The following CNRIP1 variants were observed in gnomAD, a reference collection of about 807,000 sequenced individuals.
CNRIP1 encodes the protein CB1 cannabinoid receptor-interacting protein 1.
In CNRIP1, 10 loss-of-function variants were observed where a neutral mutation model predicts 15.2. The ratio of observed to expected loss-of-function variants is 0.66; its 90% CI spans 0.41 to 1.12. The LOEUF is 1.12. Among genes scored for constraint, CNRIP1 ranks in the 50% most tolerant of loss-of-function variants. The probability of loss-of-function intolerance (pLI) is 0.00; values close to 1 mark genes in which losing one functional copy is unlikely to be tolerated. For synonymous variants in CNRIP1, 91 were observed against 83.2 expected, an observed-to-expected ratio of 1.09 and a Z score of -0.51; for missense variants, 211 against 214.7, an observed-to-expected ratio of 0.98 and a Z score of 0.11.
intron 2 of CNRIP1, among the ~76,000 whole-genome samples, chr2:68,298,386 A>C (rs1291063267): frequency 1.3e-5 from 2 of 152,198 alleles, no homozygotes; most frequent in Non-Finnish European, 2.9e-5. Context: ...AAGCAGCTTA[A>C]AATCATGCTA....
chr2:68,284,956 A>G (rs1572999046), intron 2 of CNRIP1, among the ~76,000 whole-genome samples: 1 of 152,220 alleles, frequency 6.6e-6, no homozygotes, highest in Admixed American at 6.5e-5. Context: ...TTTTGTTAAA[A>G]TAGCCACTAT....
downstream of CNRIP1, among the ~76,000 whole-genome samples, chr2:68,292,773 G>C (rs1671209674): frequency 6.6e-6 from 1 of 152,196 alleles, no homozygotes; most frequent in African/African-American, 2.4e-5. Context: ...AATGGAGCGA[G>C]ATAGGTACAA....
At position 68,293,933 on chromosome 2, in the gene CNRIP1, C is replaced by CAG. The variant is rs1671251842; in HGVS notation, c.422_423dup (p.Val142LeufsTer15). 1 of 1,614,124 alleles carries CAG rather than the reference C, an allele frequency of 6.2e-7. No homozygotes were observed. On this transcript the variant is annotated frameshift_variant, in exon 3 of 3. Transcript: ENST00000263655. LOFTEE classifies it high-confidence loss of function. ...TTGGGCTTGCATTCATACTCAATGA[C>CAG]AGAGAAGGGGCTTCCCCACTGGCAG...
intron 2 of CNRIP1, among the ~76,000 whole-genome samples, chr2:68,311,097 G>A (rs1341025248): frequency 6.6e-6 from 1 of 152,020 alleles, no homozygotes. Flanking sequence ...ACAAAGAAAG[G>A]AGAGAATGAA....
intron 2 of CNRIP1, among the ~76,000 whole-genome samples, chr2:68,315,319 C>G (rs1053110065): frequency 2.0e-5 from 3 of 152,010 alleles, no homozygotes; most frequent in Non-Finnish European, 4.4e-5. Flanking sequence ...ACATGACAAA[C>G]TATACCTAGT....
chr2:68,319,158 G>A (rs1672393630), intron 1 of CNRIP1, 64 bp downstream of exon 1: 2 of 1,446,038 alleles, frequency 1.4e-6, no homozygotes, highest in South Asian at 2.8e-5. Flanking sequence ...GCTGTCCTGG[G>A]GGCCTCAGTC....
At chr2:68,291,751 C>T (rs954405039), downstream of CNRIP1, among the ~76,000 whole-genome samples, 3 of 151,888 alleles carry the variant, frequency 2.0e-5, no homozygotes, top group Admixed American at 6.6e-5. Context: ...TGGTAGCACA[C>T]GCCCGTAATC....
In CNRIP1 at chr2:68,310,862, A is replaced by G. The variant is rs186985065; in HGVS notation, c.330+6295T>C. 5.3e-5 allele frequency among the ~76,000 whole-genome samples: 8 copies of G among 152,320 alleles called. No individual in the cohort carries two copies. The East Asian group carries it at 1.5e-3, about 29-fold the overall frequency. The stretch of plus-strand genomic sequence containing the variant: ...TAGCCAACATAAGGAATCTTGAGAA[A>G]CTGAAACTATAAAAAAGACAAATGA... On this transcript the variant is annotated intron_variant, in intron 2 of 2. Transcript: ENST00000263655.
chr2:68,318,788 T>C (rs1174072531), intron 1 of CNRIP1, among the ~76,000 whole-genome samples: 2 of 152,124 alleles, frequency 1.3e-5, no homozygotes, highest in Non-Finnish European at 2.9e-5. Context: ...TCTCCCTCCT[T>C]CAGCCTTGCG....
chr2:68,303,142 G>A (rs1419245252), intron 2 of CNRIP1, among the ~76,000 whole-genome samples: 2 of 152,110 alleles, frequency 1.3e-5, no homozygotes, highest in Admixed American at 6.5e-5. Flanking sequence ...CACCGCGCCC[G>A]GCCGAAAAAC....
downstream of CNRIP1, among the ~76,000 whole-genome samples, chr2:68,288,806 C>G (rs1671093934): frequency 6.6e-6 from 1 of 152,112 alleles, no homozygotes; most frequent in Non-Finnish European, 1.5e-5. Context: ...GTTATAAAAA[C>G]AAACACTGCA....
At chr2:68,316,769 A>G in intron 2 of CNRIP1, 1 of 401,692 alleles carries the variant, frequency 2.5e-6, no homozygotes, top group Admixed American at 4.3e-5. Context: ...ATTTAGCTTT[A>G]AGTAGCAAAG....
At chr2:68,305,244 CAAAAAAAA>C (rs60243249) in intron 2 of CNRIP1, among the ~76,000 whole-genome samples, 2,236 of 91,606 alleles carry the variant, frequency 0.024, 47 homozygotes, top group Non-Finnish European at 0.035. Context: ...AACTCCGTCT[CAAAAAAAA>C]AAAAAAAATA....
chr2:68,317,204 T>G lies in CNRIP1; in HGVS notation c.283A>C (p.Thr95Pro), dbSNP rs1307208869. 1.2e-6 allele frequency: 2 copies of G among 1,614,096 alleles called. No homozygotes were observed. Among genetic ancestry groups the G allele is most frequent in the Non-Finnish European group, 1.7e-6 (2 of 1,180,042 alleles). Residue 95 changes from threonine (T) to proline (P), a missense_variant, in exon 2 of 3, where the codon ACC becomes CCC. Transcript: ENST00000263655. ...TGCCGTTCTCCACTCTTCGTTGGGG[T>G]CACACCTTCTGTGTCATATGTACCC... ...YTGTYDTEGVTPTKSGERQPI... is the reference protein window; with the variant it reads ...YTGTYDTEGVPPTKSGERQPI...
At chr2:68,292,716 T>C (rs1250413465), downstream of CNRIP1, among the ~76,000 whole-genome samples, 1 of 152,208 alleles carries the variant, frequency 6.6e-6, no homozygotes, top group African/African-American at 2.4e-5. Flanking sequence ...CTCCTGCTAC[T>C]GAGTCACATA....
chr2:68,310,587 C>CA (rs1573032459), intron 2 of CNRIP1, among the ~76,000 whole-genome samples: 1 of 151,620 alleles, frequency 6.6e-6, no homozygotes, highest in East Asian at 1.9e-4. Context: ...AGCTAGAATA[C>CA]AAAAAACCAG....
chr2:68,317,119 C>T (rs1256891356), intron 2 of CNRIP1, 38 bp downstream of exon 2: 1 of 1,613,386 alleles, frequency 6.2e-7, no homozygotes, highest in Non-Finnish European at 8.5e-7. Flanking sequence ...TTCCATTTTC[C>T]ATGGCACCAT....
chr2:68,313,620 A>C (rs1428452998), intron 2 of CNRIP1, among the ~76,000 whole-genome samples: 1 of 152,198 alleles, frequency 6.6e-6, no homozygotes, highest in African/African-American at 2.4e-5. Context: ...ACATATTGAG[A>C]TGGCAAGCTC....
intron 2 of CNRIP1, among the ~76,000 whole-genome samples, chr2:68,302,613 C>A (rs914567099): frequency 6.6e-6 from 1 of 152,170 alleles, no homozygotes; most frequent in African/African-American, 2.4e-5. Context: ...TTCCTGACTT[C>A]AGTGGCCACT....
Sources: allele counts gnomAD v4.1 joint callset (sites outside exome capture counted in the v4.1 genomes callset), GRCh38; gene constraint gnomAD v4.1.1; transcripts MANE v1.5; gene names NCBI Gene and HGNC (gene_info 2026-07-23, HGNC 2026-07-21).